ARHGAP24: variants seen among roughly 807,000 people sequenced by gnomAD.
The protein encoded by ARHGAP24 is Rho GTPase activating protein 24, also known as rho GTPase-activating protein 24.
ARHGAP24 carries 50 observed loss-of-function variants against 76.4 expected under a neutral mutation model. That is an observed-to-expected ratio of 0.65 (90% CI 0.52 to 0.83). The LOEUF (loss-of-function observed/expected upper bound fraction) is 0.83. ARHGAP24 is among the 40% of genes least tolerant of loss of function. The pLI is 0.00. For missense variants in ARHGAP24, 930 were observed against 914.2 expected (o/e 1.02, Z -0.22); for synonymous variants, 345 against 323.3 (o/e 1.07, Z -0.72).
chr4:85,988,456 A>T (rs1740133232), intron 8 of ARHGAP24, among the ~76,000 whole-genome samples: 1 of 151,776 alleles, frequency 6.6e-6, no homozygotes, highest in Non-Finnish European at 1.5e-5. Context: ...TAAGACTTTT[A>T]ATTTGTATGC....
chr4:85,780,772 T>C (rs1306953818), intron 3 of ARHGAP24, among the ~76,000 whole-genome samples: 1 of 152,232 alleles, frequency 6.6e-6, no homozygotes, highest in Admixed American at 6.5e-5. Context: ...GACATCTATT[T>C]TGGGTGCTCA....
chr4:85,816,202 A>G (rs1040608958), intron 3 of ARHGAP24, among the ~76,000 whole-genome samples: 3 of 152,314 alleles, frequency 2.0e-5, no homozygotes, highest in African/African-American at 4.8e-5. Flanking sequence ...CTTCAAGTAC[A>G]CACTAGAGTG....
rs141725163 is a variant in ARHGAP24 at position 85,936,563 on chromosome 4, TATA to T, written c.392-5492_392-5490del. On this transcript the variant is annotated intron_variant, in intron 4 of 9. Coordinates refer to ENST00000395184, the MANE Select transcript of ARHGAP24 (RefSeq NM_001025616.3). Reference sequence around the variant, plus strand: ...TATGTAGCTGCTTTCTAATATTTATTATAATAATAATAAATGTAAAACAATTAT... The same window carrying T: ...TATGTAGCTGCTTTCTAATATTTATTATAATAATAAATGTAAAACAATTAT... Among the ~76,000 whole-genome samples, 1,131 of 152,122 alleles carry T rather than the reference TATA, an allele frequency of 7.4e-3. 15 individuals carry two copies. The highest frequency in any genetic ancestry group is 0.065 in the East Asian group (337 of 5,180).
chr4:85,482,270 A>G (rs941429605), intron 1 of ARHGAP24, among the ~76,000 whole-genome samples: 1 of 152,252 alleles, frequency 6.6e-6, no homozygotes, highest in Non-Finnish European at 1.5e-5. Flanking sequence ...ATGATTTTAT[A>G]TAACATCATA....
At chr4:85,860,311 A>G (rs1469221243) in intron 3 of ARHGAP24, among the ~76,000 whole-genome samples, 2 of 152,124 alleles carry the variant, frequency 1.3e-5, no homozygotes, top group Admixed American at 1.3e-4. Flanking sequence ...TCACTCATAT[A>G]TGAGTCAGAG....
chr4:85,631,449 A>G (rs1425761623), intron 2 of ARHGAP24, among the ~76,000 whole-genome samples: 1 of 152,082 alleles, frequency 6.6e-6, no homozygotes, highest in African/African-American at 2.4e-5. Context: ...TCTTTGGATG[A>G]TATAGTTTTT....
chr4:85,485,572 T>TACC (rs2110089825), intron 1 of ARHGAP24, among the ~76,000 whole-genome samples: 1 of 151,442 alleles, frequency 6.6e-6, no homozygotes, highest in East Asian at 1.9e-4. Context: ...ACTCTAATCC[T>TACC]ACCTCTGGTA....
chr4:85,518,475 T>A (rs980243866), intron 1 of ARHGAP24, among the ~76,000 whole-genome samples: 3 of 152,144 alleles, frequency 2.0e-5, no homozygotes, highest in Admixed American at 6.6e-5. Context: ...ACCAGAGCAG[T>A]ATACACTGCA....
chr4:85,718,715 ATTT>A (rs1271753731), intron 2 of ARHGAP24, among the ~76,000 whole-genome samples: 1 of 152,140 alleles, frequency 6.6e-6, no homozygotes, highest in Non-Finnish European at 1.5e-5. Context: ...TTAAACTACT[ATTT>A]TTATGTTACA....
chr4:85,886,977 A>G (rs1240130861), intron 3 of ARHGAP24, among the ~76,000 whole-genome samples: 1 of 152,132 alleles, frequency 6.6e-6, no homozygotes, highest in Non-Finnish European at 1.5e-5. Context: ...CTCATTATCA[A>G]TCAGATAATG....
chr4:85,870,595 C>T lies in ARHGAP24; in HGVS notation c.269-53053C>T, dbSNP rs1439343867. Among the ~76,000 whole-genome samples the T allele has an allele frequency of 3.9e-5, 6 of 152,236 alleles. No individual in the cohort carries two copies. The East Asian group carries it at 9.6e-4, about 24-fold the overall frequency. On this transcript the variant is annotated intron_variant, in intron 3 of 9. Transcript: ENST00000395184. ...AGTGGAGGCCCTTCTTTTCTACTAA[C>T]TCATCTGTTTGGGGTGATACGAACA...
chr4:86,001,368 T>C lies in ARHGAP24; in HGVS notation c.*646T>C. On this transcript the variant is annotated 3_prime_UTR_variant, in exon 10 of 10. Coordinates refer to ENST00000395184, the MANE Select transcript of ARHGAP24 (RefSeq NM_001025616.3). ...CCCTGGCACCACTCAGTTTTGCTTT[T>C]GCGAGGCGATTTGACATAGGAACTT... 5.0e-6 allele frequency: 2 copies of C among 399,076 alleles called. No individual in the cohort carries two copies. The highest frequency in any genetic ancestry group is 8.8e-6 in the Non-Finnish European group (2 of 226,124). The allele number at this position is 399,076 out of a possible 1,614,324, so 24.7% of individuals were successfully genotyped here. A position where few individuals can be genotyped will look rare whatever the true frequency, so the allele number is the denominator to read the frequency against.
intron 1 of ARHGAP24, among the ~76,000 whole-genome samples, chr4:85,534,074 G>T (rs1421723236): frequency 6.6e-6 from 1 of 152,108 alleles, no homozygotes. Context: ...ATGTACATGG[G>T]CCCAGTCTAG....
intron 2 of ARHGAP24, among the ~76,000 whole-genome samples, chr4:85,600,296 G>C (rs7685260): frequency 0.024 from 3,672 of 152,252 alleles, 146 homozygotes; most frequent in African/African-American, 0.083. Context: ...CTCTTGTTAA[G>C]GATATATTGT....
intron 3 of ARHGAP24, among the ~76,000 whole-genome samples, chr4:85,822,506 T>C (rs1292679957): frequency 6.6e-6 from 1 of 152,148 alleles, no homozygotes; most frequent in Non-Finnish European, 1.5e-5. Flanking sequence ...AAATACAAAA[T>C]AAGACACAGG....
At chr4:85,621,539 T>C (rs1341177654) in intron 2 of ARHGAP24, among the ~76,000 whole-genome samples, 1 of 152,204 alleles carries the variant, frequency 6.6e-6, no homozygotes, top group Non-Finnish European at 1.5e-5. Context: ...TTTTTTCATA[T>C]GTTTGTTGGC....
chr4:85,923,457 T>A (rs1291492731), intron 3 of ARHGAP24, among the ~76,000 whole-genome samples, 191 bp from the exon 4 acceptor site: 1 of 152,224 alleles, frequency 6.6e-6, no homozygotes, highest in Non-Finnish European at 1.5e-5. Flanking sequence ...AGCTTTCTCC[T>A]GAAAGCATAA....
intron 1 of ARHGAP24, among the ~76,000 whole-genome samples, chr4:85,486,028 C>CA (rs1231719949): frequency 6.6e-6 from 1 of 152,074 alleles, no homozygotes; most frequent in East Asian, 1.9e-4. Flanking sequence ...CTGCCGTGCC[C>CA]AGTCATTTAG....
intron 3 of ARHGAP24, among the ~76,000 whole-genome samples, chr4:85,723,034 A>G (rs1003429057): frequency 7.9e-5 from 12 of 152,178 alleles, no homozygotes; most frequent in Admixed American, 5.2e-4. Flanking sequence ...GCAATGTGTT[A>G]TTTGTTTCCC....
Sources: allele counts gnomAD v4.1 joint callset (sites outside exome capture counted in the v4.1 genomes callset), GRCh38; gene constraint gnomAD v4.1.1; transcripts MANE v1.5; gene names NCBI Gene and HGNC (gene_info 2026-07-23, HGNC 2026-07-21).